Variants in C10orf67 observed in about 807,000 individuals in gnomAD.
C10orf67 encodes chromosome 10 open reading frame 67.
C10orf67 carries 60 observed loss-of-function variants against 35.6 expected under a neutral mutation model. That is an observed-to-expected ratio of 1.68 (90% confidence interval 1.37 to 2.09). The LOEUF (loss-of-function observed/expected upper bound fraction) is 2.09. C10orf67 is among the 30% of genes most tolerant of loss of function. The probability of loss-of-function intolerance (pLI) is 0.00; values close to 1 mark genes in which losing one functional copy is unlikely to be tolerated. For synonymous variants in C10orf67, 167 were observed against 115.8 expected (o/e 1.44, Z -2.84); for missense variants, 474 against 330.2 (o/e 1.44, Z -3.38).
At chr10:23,325,999 A>G (rs1845179711) in intron 2 of C10orf67, among the ~76,000 whole-genome samples, 1 of 151,496 alleles carries the variant, frequency 6.6e-6, no homozygotes, top group African/African-American at 2.4e-5. Context: ...AAAAAATAGA[A>G]AGAAGAAAGA....
intron 13 of C10orf67, among the ~76,000 whole-genome samples, chr10:23,237,467 T>G (rs1190856100): frequency 6.6e-6 from 1 of 152,208 alleles, no homozygotes; most frequent in Non-Finnish European, 1.5e-5. Flanking sequence ...TGTAAGAGAA[T>G]GTTTATAGCA....
At position 23,242,134 on chromosome 10, in the gene C10orf67, G is replaced by C. The variant is rs147650462; in HGVS notation, c.1347-2318C>G. 9.3e-3 allele frequency among the ~76,000 whole-genome samples: 1,416 copies of C among 152,108 alleles called. 25 individuals are homozygous for C. Among genetic ancestry groups the C allele is most frequent in the South Asian group, 0.035 (168 of 4,808 alleles). On this transcript the variant is annotated intron_variant, in intron 12 of 15. Coordinates refer to ENST00000636213, the MANE Select transcript of C10orf67 (RefSeq NM_001371909.1). The stretch of plus-strand genomic sequence containing the variant: ...TTACAGGTGCCTGCCACCACGCCCA[G>C]CTTATTTTTGTATTTTTAGTAGAGA...
At chr10:23,271,237 T>C (rs1161364498) in intron 8 of C10orf67, among the ~76,000 whole-genome samples, 1 of 152,198 alleles carries the variant, frequency 6.6e-6, no homozygotes, top group Non-Finnish European at 1.5e-5. Context: ...CCTGAATGTA[T>C]ATGCACCCAA....
chr10:23,219,966 G>C (rs1172681269), intron 15 of C10orf67, among the ~76,000 whole-genome samples: 1 of 152,094 alleles, frequency 6.6e-6, no homozygotes, highest in African/African-American at 2.4e-5. Flanking sequence ...GAGCCCAGGA[G>C]TTGGAGACCA....
chr10:23,232,085 G>A (rs1238656683), intron 13 of C10orf67, among the ~76,000 whole-genome samples: 2 of 152,130 alleles, frequency 1.3e-5, no homozygotes, highest in East Asian at 1.9e-4. Context: ...GGCTTCTGGG[G>A]CATGGTAATA....
At chr10:23,324,807 T>C (rs1229628943) in intron 2 of C10orf67, among the ~76,000 whole-genome samples, 9 of 152,244 alleles carry the variant, frequency 5.9e-5, no homozygotes, top group Non-Finnish European at 1.2e-4. Flanking sequence ...ATTTGTCTAA[T>C]GTGAAACATT....
chr10:23,263,236 TTC>T (rs1304669646), intron 10 of C10orf67, among the ~76,000 whole-genome samples: 6 of 152,202 alleles, frequency 3.9e-5, no homozygotes, highest in African/African-American at 7.2e-5. Flanking sequence ...TTATATTGTT[TTC>T]TTCTCTCATA....
chr10:23,310,185 A>T (rs539403509), intron 4 of C10orf67, among the ~76,000 whole-genome samples: 81 of 152,282 alleles, frequency 5.3e-4, no homozygotes, highest in Admixed American at 4.2e-3. Context: ...TTTTTAACTT[A>T]GTAACAACTT....
At chr10:23,219,987 C>A (rs1670690630) in intron 15 of C10orf67, among the ~76,000 whole-genome samples, 1 of 152,018 alleles carries the variant, frequency 6.6e-6, no homozygotes, top group Non-Finnish European at 1.5e-5. Flanking sequence ...GTCTAGATGA[C>A]AAAGTGAGAC....
At chr10:23,306,873 C>T (rs1369663407) in intron 4 of C10orf67, among the ~76,000 whole-genome samples, 1 of 152,062 alleles carries the variant, frequency 6.6e-6, no homozygotes, top group Non-Finnish European at 1.5e-5. Flanking sequence ...GTCAATTATA[C>T]ATCAGTAAAG....
At position 23,258,573 on chromosome 10, in the gene C10orf67, C is replaced by T. The variant is rs367639161; in HGVS notation, c.1200+7689G>A. The T allele has an allele frequency of 1.9e-4, 32 of 165,658 alleles. No individual in the cohort carries two copies. In the South Asian group the frequency reaches 4.2e-3, roughly 22 times the overall value. 10.3% of individuals were successfully genotyped at this position (165,658 alleles called of 1,614,324 possible). On this transcript the variant is annotated intron_variant, in intron 10 of 15. Coordinates refer to ENST00000636213, the MANE Select transcript of C10orf67 (RefSeq NM_001371909.1). ...GCACCACCTCAGCCCTGAGAAGAGT[C>T]ACAGTGGAACTGTACCTGGCTTTAA...
chr10:23,287,979 G>T (rs879484412), intron 7 of C10orf67, among the ~76,000 whole-genome samples: 5 of 152,150 alleles, frequency 3.3e-5, no homozygotes, highest in Non-Finnish European at 5.9e-5. Flanking sequence ...ATAGATGCTG[G>T]TGAGGCTGCA....
At chr10:23,285,666 A>T (rs1368366873) in intron 7 of C10orf67, among the ~76,000 whole-genome samples, 3 of 152,204 alleles carry the variant, frequency 2.0e-5, no homozygotes, top group South Asian at 2.1e-4. Context: ...CTACGTTTTC[A>T]TTGGAAATAC....
chr10:23,266,071 T>C (rs1440550702), intron 10 of C10orf67, among the ~76,000 whole-genome samples, 191 bp downstream of exon 10: 1 of 152,234 alleles, frequency 6.6e-6, no homozygotes, highest in Non-Finnish European at 1.5e-5. Flanking sequence ...GGCATACTGA[T>C]GACTTCATCT....
chr10:23,333,465 T>C (rs1845557378), intron 1 of C10orf67, among the ~76,000 whole-genome samples: 1 of 152,218 alleles, frequency 6.6e-6, no homozygotes, highest in South Asian at 2.1e-4. Context: ...TCTTCCATAC[T>C]GTTATTGCCT....
chr10:23,260,140 A>T (rs1842708692), intron 10 of C10orf67, among the ~76,000 whole-genome samples: 1 of 152,128 alleles, frequency 6.6e-6, no homozygotes, highest in South Asian at 2.1e-4. Context: ...CTTGAAGTCA[A>T]TCCAAAATAA....
chr10:23,296,139 T>C (rs757033838), intron 5 of C10orf67, among the ~76,000 whole-genome samples: 3 of 152,196 alleles, frequency 2.0e-5, no homozygotes, highest in Non-Finnish European at 4.4e-5. Flanking sequence ...ATATAACTTT[T>C]CAGATTTTCC....
chr10:23,224,941 C>G, intron 13 of C10orf67, among the ~76,000 whole-genome samples: 1 of 152,222 alleles, frequency 6.6e-6, no homozygotes, highest in East Asian at 1.9e-4. Context: ...TTGGAAAACA[C>G]TCTGCAGGAT....
chr10:23,313,250 C>T (rs1844566278), intron 4 of C10orf67, among the ~76,000 whole-genome samples: 1 of 152,210 alleles, frequency 6.6e-6, no homozygotes, highest in South Asian at 2.1e-4. Context: ...CTGGATTATC[C>T]ACAATGAGTA....
Sources: allele counts gnomAD v4.1 joint callset (sites outside exome capture counted in the v4.1 genomes callset), GRCh38; gene constraint gnomAD v4.1.1; transcripts MANE v1.5; gene names NCBI Gene and HGNC (gene_info 2026-07-23, HGNC 2026-07-21).